WWOX: variants seen among roughly 807,000 people sequenced by gnomAD.
WWOX encodes WW domain-containing oxidoreductase.
A neutral mutation model predicts 46.2 loss-of-function variants in WWOX; 69 were observed. The ratio of observed to expected loss-of-function variants is 1.49; its 90% CI spans 1.23 to 1.82. The LOEUF is 1.82. Among genes scored for constraint, WWOX ranks in the 40% most tolerant of loss-of-function variants. WWOX has a pLI of 0.00. For missense variants in WWOX, 919 were observed against 542.6 expected (o/e 1.69, Z -6.89); for synonymous variants, 359 against 202.6 (o/e 1.77, Z -6.56).
chr16:78,902,126 C>T (rs980224106), intron 8 of WWOX, among the ~76,000 whole-genome samples: 6 of 152,186 alleles, frequency 3.9e-5, no homozygotes, highest in African/African-American at 1.4e-4. Flanking sequence ...TCTACATCCA[C>T]CTCTGCAGGA....
At chr16:78,664,108 C>G (rs1004260980) in intron 8 of WWOX, among the ~76,000 whole-genome samples, 9 of 152,068 alleles carry the variant, frequency 5.9e-5, no homozygotes, top group African/African-American at 1.7e-4. Flanking sequence ...GGAGTGAAAG[C>G]TAAAGGATAT....
chr16:78,384,424 C>G (rs562120417), intron 5 of WWOX, among the ~76,000 whole-genome samples: 7 of 152,280 alleles, frequency 4.6e-5, no homozygotes, highest in African/African-American at 1.7e-4. Context: ...AACATTTACA[C>G]TTTGAAAATA....
chr16:78,904,234 CTTTTTTTTTTT>C, intron 8 of WWOX, among the ~76,000 whole-genome samples: 1 of 85,774 alleles, frequency 1.2e-5, no homozygotes, highest in Non-Finnish European at 2.3e-5. Flanking sequence ...TTATAAATGC[CTTTTTTTTTTT>C]TTTTTTTTTT....
chr16:78,307,305 G>C (rs2080153064), intron 5 of WWOX, among the ~76,000 whole-genome samples: 1 of 152,200 alleles, frequency 6.6e-6, no homozygotes, highest in Non-Finnish European at 1.5e-5. Flanking sequence ...TCTGGAAACG[G>C]TGAATGTTGC....
intron 6 of WWOX, among the ~76,000 whole-genome samples, chr16:78,417,032 C>G (rs1307421645): frequency 2.5e-5 from 3 of 120,952 alleles, no homozygotes; most frequent in African/African-American, 5.1e-5. Context: ...GTCAGGTGAC[C>G]CTTTGGGGGT....
At chr16:79,010,606 G>A (rs2047284350) in intron 8 of WWOX, among the ~76,000 whole-genome samples, 1 of 152,078 alleles carries the variant, frequency 6.6e-6, no homozygotes, top group Non-Finnish European at 1.5e-5. Context: ...TGAGAAGGCA[G>A]GGAGTGGTAT....
chr16:78,698,159 A>T (rs1264890472), intron 8 of WWOX, among the ~76,000 whole-genome samples: 2 of 152,174 alleles, frequency 1.3e-5, no homozygotes, highest in Non-Finnish European at 2.9e-5. Flanking sequence ...TTGCCCTAGG[A>T]TGGTCCCCTT....
intron 5 of WWOX, among the ~76,000 whole-genome samples, chr16:78,271,759 C>T (rs1460150240): frequency 6.6e-6 from 1 of 152,178 alleles, no homozygotes; most frequent in Non-Finnish European, 1.5e-5. Flanking sequence ...CGTTGGGAGG[C>T]CTGGCGGAGA....
intron 5 of WWOX, among the ~76,000 whole-genome samples, chr16:78,301,638 A>T (rs2080042910): frequency 2.0e-5 from 3 of 152,148 alleles, no homozygotes; most frequent in African/African-American, 7.2e-5. Flanking sequence ...GGAAAGGAAG[A>T]TTCAAGTCTC....
chr16:78,650,784 C>T (rs939445573), intron 8 of WWOX, among the ~76,000 whole-genome samples: 8 of 152,284 alleles, frequency 5.3e-5, no homozygotes, highest in African/African-American at 1.9e-4. Context: ...CCCTGTCCCA[C>T]AAATCTCAGC....
At chr16:78,713,448 T>C (rs1220244673) in intron 8 of WWOX, among the ~76,000 whole-genome samples, 6 of 152,094 alleles carry the variant, frequency 3.9e-5, no homozygotes, top group Non-Finnish European at 8.8e-5. Context: ...GTCCCCAAAA[T>C]TCATGTGATG....
chr16:78,439,883 G>A (rs1355369183), intron 8 of WWOX, among the ~76,000 whole-genome samples: 1 of 152,182 alleles, frequency 6.6e-6, no homozygotes, highest in East Asian at 1.9e-4. Context: ...ATTTGATAAG[G>A]TCTGAAGGCA....
intron 8 of WWOX, among the ~76,000 whole-genome samples, chr16:78,985,275 C>G (rs915471121): frequency 5.9e-5 from 9 of 152,214 alleles, no homozygotes; most frequent in Admixed American, 3.9e-4. Context: ...CACTCTGTCA[C>G]AGTGCATTAT....
At chr16:78,326,346 T>A (rs921465487) in intron 5 of WWOX, among the ~76,000 whole-genome samples, 1 of 152,206 alleles carries the variant, frequency 6.6e-6, no homozygotes, top group Non-Finnish European at 1.5e-5. Flanking sequence ...GATATGCCAA[T>A]TTGGCATATT....
In WWOX at chr16:78,108,342, G is replaced by T. The variant is rs555663300; in HGVS notation, c.108-81G>T. On this transcript the variant is annotated intron_variant, in intron 1 of 8. Transcript: ENST00000566780. ...CCTTCTTATATCTGGCTATCTGGGA[G>T]AGAAAAAATTTAATACAATTGATTA... The T allele has an allele frequency of 3.4e-4, 489 of 1,420,774 alleles. 1 individual carries two copies. The highest frequency in any genetic ancestry group is 7.3e-4 in the Middle Eastern group (4 of 5,484). 88.0% of individuals were successfully genotyped at this position (1,420,774 alleles called of 1,614,324 possible). A position where few individuals can be genotyped will look rare whatever the true frequency, so the allele number is the denominator to read the frequency against.
intron 8 of WWOX, among the ~76,000 whole-genome samples, chr16:78,459,371 CTG>C (rs1046018877): frequency 6.6e-6 from 1 of 152,194 alleles, no homozygotes; most frequent in Non-Finnish European, 1.5e-5. Context: ...GCATAAGTAA[CTG>C]GATATTTCCG....
chr16:78,717,073 C>T (rs1160396147), intron 8 of WWOX, among the ~76,000 whole-genome samples: 1 of 152,170 alleles, frequency 6.6e-6, no homozygotes, highest in Non-Finnish European at 1.5e-5. Context: ...GGGTAAATGG[C>T]TTCATCACAT....
At chr16:79,147,164 C>T (rs953665553) in intron 8 of WWOX, among the ~76,000 whole-genome samples, 1 of 152,082 alleles carries the variant, frequency 6.6e-6, no homozygotes, top group Non-Finnish European at 1.5e-5. Flanking sequence ...GTGTAGCTTC[C>T]TTTATACACA....
At chr16:78,956,472 A>T (rs1056983050) in intron 8 of WWOX, among the ~76,000 whole-genome samples, 1 of 152,084 alleles carries the variant, frequency 6.6e-6, no homozygotes. Flanking sequence ...GTTTTAATTG[A>T]TTAATCTACA....
Sources: allele counts gnomAD v4.1 joint callset (sites outside exome capture counted in the v4.1 genomes callset), GRCh38; gene constraint gnomAD v4.1.1; transcripts MANE v1.5; gene names NCBI Gene and HGNC (gene_info 2026-07-23, HGNC 2026-07-21).